The following CCSER1 variants were observed in gnomAD, a reference collection of about 807,000 sequenced individuals.
CCSER1 encodes coiled-coil serine rich protein 1, also known as serine-rich coiled-coil domain-containing protein 1.
Under a neutral mutation model 82.0 loss-of-function variants are expected in CCSER1, and 41 were observed. The observed-to-expected ratio is 0.50, with a 90% CI of 0.39 to 0.65. CCSER1 has a LOEUF of 0.65. CCSER1 is among the 30% of genes least tolerant of loss of function. The probability of loss-of-function intolerance (pLI) is 0.00; values close to 1 mark genes in which losing one functional copy is unlikely to be tolerated. For missense variants in CCSER1, 1,119 were observed against 1,064.2 expected (o/e 1.05, Z -0.72); for synonymous variants, 414 against 383.9 (o/e 1.08, Z -0.92).
intron 1 of CCSER1, among the ~76,000 whole-genome samples, chr4:90,263,817 A>G (rs1342747368): frequency 6.6e-6 from 1 of 152,072 alleles, no homozygotes; most frequent in African/African-American, 2.4e-5. Context: ...GTGGAGGGGC[A>G]TGGCCAACTG....
intron 10 of CCSER1, among the ~76,000 whole-genome samples, chr4:91,593,743 C>T (rs1403470307): frequency 6.6e-6 from 1 of 152,090 alleles, no homozygotes; most frequent in Non-Finnish European, 1.5e-5. Flanking sequence ...AACAAGGCAA[C>T]TGAACACAAA....
chr4:90,394,766 T>G (rs973038789), intron 3 of CCSER1, among the ~76,000 whole-genome samples: 1 of 152,172 alleles, frequency 6.6e-6, no homozygotes, highest in Non-Finnish European at 1.5e-5. Context: ...TCTTTATTTT[T>G]TATGATTCTA....
At chr4:90,991,280 T>A (rs1040366335) in intron 9 of CCSER1, among the ~76,000 whole-genome samples, 1 of 151,984 alleles carries the variant, frequency 6.6e-6, no homozygotes, top group South Asian at 2.1e-4. Flanking sequence ...TTTCTAGAGA[T>A]GACATAACAA....
chr4:90,628,483 C>A (rs1357472920), intron 6 of CCSER1, among the ~76,000 whole-genome samples: 1 of 152,040 alleles, frequency 6.6e-6, no homozygotes, highest in African/African-American at 2.4e-5. Context: ...CCCAAGCATC[C>A]CCCTATTTGT....
intron 10 of CCSER1, among the ~76,000 whole-genome samples, chr4:91,191,224 A>C (rs2149048528): frequency 6.6e-6 from 1 of 152,218 alleles, no homozygotes; most frequent in Non-Finnish European, 1.5e-5. Flanking sequence ...GAGTAGCATA[A>C]TTTCCTGATT....
At chr4:91,528,308 A>C (rs1578704856) in intron 10 of CCSER1, among the ~76,000 whole-genome samples, 6 of 152,212 alleles carry the variant, frequency 3.9e-5, no homozygotes, top group Admixed American at 3.3e-4. Context: ...AACCAATAAT[A>C]ATTAAGAAAG....
chr4:90,952,869 T>C (rs1411797963), intron 9 of CCSER1, among the ~76,000 whole-genome samples: 1 of 152,100 alleles, frequency 6.6e-6, no homozygotes, highest in Non-Finnish European at 1.5e-5. Context: ...ATTTCCTGTA[T>C]TCTAGAAACA....
chr4:91,335,662 C>G (rs1747269906), intron 10 of CCSER1, among the ~76,000 whole-genome samples: 1 of 151,984 alleles, frequency 6.6e-6, no homozygotes, highest in African/African-American at 2.4e-5. Context: ...TTCAGTGGAG[C>G]TGATACCATG....
intron 10 of CCSER1, among the ~76,000 whole-genome samples, chr4:91,288,443 C>T (rs923148503): frequency 1.3e-4 from 19 of 151,906 alleles, no homozygotes; most frequent in African/African-American, 4.6e-4. Flanking sequence ...ACAACAACAA[C>T]AACAAAAAGG....
At chr4:90,900,436 A>T (rs2062844993) in intron 8 of CCSER1, among the ~76,000 whole-genome samples, 1 of 151,910 alleles carries the variant, frequency 6.6e-6, no homozygotes, top group Non-Finnish European at 1.5e-5. Context: ...GAAATTTAGT[A>T]ATATAAACTT....
intron 3 of CCSER1, among the ~76,000 whole-genome samples, chr4:90,323,132 G>A (rs1421512537): frequency 2.6e-5 from 4 of 152,140 alleles, no homozygotes; most frequent in Non-Finnish European, 5.9e-5. Context: ...CTGGTTACCA[G>A]TTGCAAGACA....
At chr4:90,466,561 A>G (rs1763676987) in intron 4 of CCSER1, among the ~76,000 whole-genome samples, 1 of 152,242 alleles carries the variant, frequency 6.6e-6, no homozygotes, top group East Asian at 1.9e-4. Flanking sequence ...CAGGGAACCC[A>G]GTTGAGCCCA....
At chr4:91,587,713 C>A (rs1313590412) in intron 10 of CCSER1, among the ~76,000 whole-genome samples, 2 of 151,508 alleles carry the variant, frequency 1.3e-5, no homozygotes, top group African/African-American at 4.8e-5. Context: ...TTTCTTACAT[C>A]GAATGCAGAT....
At chr4:90,949,391 T>C (rs1732639898) in intron 9 of CCSER1, among the ~76,000 whole-genome samples, 1 of 151,966 alleles carries the variant, frequency 6.6e-6, no homozygotes, top group Non-Finnish European at 1.5e-5. Context: ...TATTATAATA[T>C]CAGACTGGTA....
chr4:90,408,221 A>G (rs528246001), intron 4 of CCSER1, among the ~76,000 whole-genome samples: 2 of 152,298 alleles, frequency 1.3e-5, no homozygotes, highest in South Asian at 4.1e-4. Context: ...GGCACAGACA[A>G]ACAAAAGACA....
intron 10 of CCSER1, among the ~76,000 whole-genome samples, chr4:91,393,309 G>C (rs1046196796): frequency 6.6e-6 from 1 of 151,988 alleles, no homozygotes; most frequent in Non-Finnish European, 1.5e-5. Context: ...ATGCCAAATA[G>C]TTGGGTTCTT....
At chr4:90,938,880 T>C (rs934576421) in intron 9 of CCSER1, 3 of 159,746 alleles carry the variant, frequency 1.9e-5, no homozygotes, top group African/African-American at 4.8e-5. Flanking sequence ...ATTTTTGCAT[T>C]TGCAAAAATC....
intron 10 of CCSER1, chr4:91,325,328 A>G: frequency 2.7e-6 from 1 of 370,092 alleles, no homozygotes; most frequent in Non-Finnish European, 5.2e-6. Context: ...AAATGAAGCC[A>G]TTTGACAGAA....
At chr4:90,692,725 A>G (rs1374203327) in intron 6 of CCSER1, among the ~76,000 whole-genome samples, 2 of 151,922 alleles carry the variant, frequency 1.3e-5, no homozygotes, top group Non-Finnish European at 1.5e-5. Flanking sequence ...AGGTTCTTCA[A>G]TAAACATGTC....
Sources: allele counts gnomAD v4.1 joint callset (sites outside exome capture counted in the v4.1 genomes callset), GRCh38; gene constraint gnomAD v4.1.1; transcripts MANE v1.5; gene names NCBI Gene and HGNC (gene_info 2026-07-23, HGNC 2026-07-21).